Variants in TANK observed in about 807,000 individuals in gnomAD.
The protein encoded by TANK is TRAF family member associated NFKB activator.
Under a neutral mutation model 43.6 loss-of-function variants are expected in TANK, and 15 were observed. The observed-to-expected ratio is 0.34, with a 90% CI of 0.23 to 0.53. The LOEUF is 0.53. TANK is among the 20% of genes least tolerant of loss of function. TANK has a pLI of 0.94. For synonymous variants in TANK, 162 were observed against 178.2 expected (o/e 0.91, Z 0.73); for missense variants, 417 against 498.6 (o/e 0.84, Z 1.56).
At chr2:161,195,854 G>A (rs565001083) in intron 2 of TANK, among the ~76,000 whole-genome samples, 96 of 152,252 alleles carry the variant, frequency 6.3e-4, no homozygotes, top group African/African-American at 2.1e-3. Flanking sequence ...GGAGGCCCAG[G>A]CAGGCAGATC....
intron 2 of TANK, among the ~76,000 whole-genome samples, chr2:161,188,730 A>G (rs1685778164): frequency 6.6e-6 from 1 of 152,228 alleles, no homozygotes. Flanking sequence ...ACTACAGACT[A>G]GTATCACTTA....
At chr2:161,174,139 A>G (rs977384301) in intron 1 of TANK, among the ~76,000 whole-genome samples, 3 of 152,126 alleles carry the variant, frequency 2.0e-5, no homozygotes, top group African/African-American at 4.8e-5. Context: ...TATGGTCTCA[A>G]TTTTTATTGT....
chr2:161,168,418 G>C (rs1169910798), intron 1 of TANK, among the ~76,000 whole-genome samples: 1 of 152,106 alleles, frequency 6.6e-6, no homozygotes, highest in Non-Finnish European at 1.5e-5. Flanking sequence ...GGAATTTCCA[G>C]ATTGAAAGGG....
chr2:161,163,163 CCTCTTCCTCCGCT>C, intron 1 of TANK: 1 of 152,212 alleles, frequency 6.6e-6, no homozygotes, highest in African/African-American at 2.4e-5. Flanking sequence ...GGGCAGAGTT[CCTCTTCCTCCGCT>C]CTGATGTAGT....
At chr2:161,210,693 G>T (rs529392529) in intron 4 of TANK, among the ~76,000 whole-genome samples, 4 of 135,382 alleles carry the variant, frequency 3.0e-5, no homozygotes, top group African/African-American at 1.1e-4. Flanking sequence ...GTGAAACTCC[G>T]TCTAAAAAAA....
At chr2:161,162,095 T>C (rs1249246789) in intron 1 of TANK, among the ~76,000 whole-genome samples, 1 of 152,174 alleles carries the variant, frequency 6.6e-6, no homozygotes, top group Non-Finnish European at 1.5e-5. Context: ...GTTGAAATCA[T>C]TTCTCTCCCA....
At chr2:161,151,109 CTAGTT>C (rs1684067815) in intron 1 of TANK, among the ~76,000 whole-genome samples, 1 of 152,088 alleles carries the variant, frequency 6.6e-6, no homozygotes, top group Non-Finnish European at 1.5e-5. Flanking sequence ...GTATTAACTT[CTAGTT>C]TCATTCCATT....
intron 2 of TANK, among the ~76,000 whole-genome samples, chr2:161,197,796 C>T (rs767060645): frequency 1.3e-5 from 2 of 152,108 alleles, no homozygotes; most frequent in Admixed American, 1.3e-4. Context: ...AACTTAATAC[C>T]TCCTAAAAGG....
At chr2:161,142,575 G>C (rs1206888871) in intron 1 of TANK, among the ~76,000 whole-genome samples, 3 of 152,106 alleles carry the variant, frequency 2.0e-5, no homozygotes, top group African/African-American at 7.2e-5. Context: ...TTATTAAATG[G>C]GGAATCCTTT....
intron 2 of TANK, chr2:161,202,875 CAT>C: frequency 2.1e-6 from 1 of 467,900 alleles, no homozygotes; most frequent in South Asian, 1.6e-5. Context: ...ACTGCAATAA[CAT>C]AGCAAAATTA....
intron 2 of TANK, among the ~76,000 whole-genome samples, chr2:161,192,825 G>C (rs1029118777): frequency 6.6e-6 from 1 of 152,206 alleles, no homozygotes. Context: ...CCTAGACTCA[G>C]AAATGTTGAT....
chr2:161,170,004 TTCA>T (rs1558971374), intron 1 of TANK, among the ~76,000 whole-genome samples: 1 of 152,218 alleles, frequency 6.6e-6, no homozygotes, highest in East Asian at 1.9e-4. Context: ...AACCACCTTC[TTCA>T]TTGTTGGGAT....
At chr2:161,229,070 G>A (rs957141164) in intron 6 of TANK, among the ~76,000 whole-genome samples, 3 of 152,174 alleles carry the variant, frequency 2.0e-5, no homozygotes, top group Admixed American at 6.5e-5. Flanking sequence ...AGTTCTCAGG[G>A]CATCCAAGAG....
chr2:161,204,696 C>T lies in TANK; in HGVS notation c.230C>T (p.Pro77Leu). 1 of 1,609,690 alleles carries T rather than the reference C, an allele frequency of 6.2e-7. No individual in the cohort carries two copies. Among genetic ancestry groups the T allele is most frequent in the Non-Finnish European group, 8.5e-7 (1 of 1,178,302 alleles). ...GCAGATAACAATTATGGCTGTGTTC[C>T]TCTGCTTGAAGACAGTGAAACAAGA... ...STQDNNYGCV[P>L]LLEDSETRKN... The change falls in exon 4 of 8, where the codon CCT becomes CTT. Residue 77 changes from proline to leucine, a missense_variant. Physicochemically the swap from Pro to Leu is moderately conservative, Grantham distance 98. Transcript: ENST00000392749.
Position 161,139,875 on chromosome 2 carries a change from G to A in TANK, c.-50+2812G>A, listed in dbSNP as rs191355415. On this transcript the variant is annotated intron_variant, in intron 1 of 7. Coordinates refer to the TANK transcript ENST00000259075. ...ATTATGACAGTGCTAGCTGCAGACC[G>A]CAATTTAGTTACAACTGTGGTAAGC... 2.2e-4 allele frequency: 213 copies of A among 985,354 alleles called. 2 individuals are homozygous for A. In the African/African-American group the frequency reaches 2.6e-3, roughly 12 times the overall value. 61.0% of individuals were successfully genotyped at this position (985,354 alleles called of 1,614,324 possible). A position where few individuals can be genotyped will look rare whatever the true frequency, so the allele number is the denominator to read the frequency against.
At chr2:161,210,099 A>G (rs1258909890) in intron 4 of TANK, among the ~76,000 whole-genome samples, 2 of 152,228 alleles carry the variant, frequency 1.3e-5, no homozygotes, top group Admixed American at 1.3e-4. Flanking sequence ...GAATATAGCT[A>G]TCATTGTGAT....
At chr2:161,232,812 A>C in intron 7 of TANK, 1 of 1,550,718 alleles carries the variant, frequency 6.4e-7, no homozygotes, top group Non-Finnish European at 8.7e-7. Context: ...AACAGCTGGT[A>C]TGTGATTACA....
intron 1 of TANK, among the ~76,000 whole-genome samples, chr2:161,152,382 T>G (rs550441782): frequency 1.3e-5 from 2 of 152,308 alleles, no homozygotes; most frequent in East Asian, 3.9e-4. Context: ...TCTTAATTTC[T>G]TCTTTATTTT....
intron 3 of TANK, 77 bp downstream of exon 3, chr2:161,203,672 T>G: frequency 1.2e-6 from 1 of 862,462 alleles, no homozygotes; most frequent in Non-Finnish European, 1.8e-6. Context: ...TTTTTCTATT[T>G]TATTCCTTCG....
Sources: allele counts gnomAD v4.1 joint callset (sites outside exome capture counted in the v4.1 genomes callset), GRCh38; gene constraint gnomAD v4.1.1; transcripts MANE v1.5; gene names NCBI Gene and HGNC (gene_info 2026-07-23, HGNC 2026-07-21).